Variants in CALD1 observed in about 807,000 individuals in gnomAD.
The protein encoded by CALD1 is caldesmon 1.
In CALD1, 33 loss-of-function variants were observed where a neutral mutation model predicts 99.9. That is an observed-to-expected ratio of 0.33 (90% confidence interval 0.25 to 0.44). The LOEUF (loss-of-function observed/expected upper bound fraction) is 0.44, where lower values mean the gene tolerates loss of function less well. Among genes scored for constraint, CALD1 ranks in the 20% least tolerant of loss-of-function variants. The pLI, the probability that CALD1 is intolerant of heterozygous loss-of-function variation, is 1.00. For missense variants in CALD1, 861 were observed against 962.1 expected, an observed-to-expected ratio of 0.89 and a Z score of 1.39; for synonymous variants, 310 against 325.0, an observed-to-expected ratio of 0.95 and a Z score of 0.50.
chr7:134,947,208 T>A (rs1806949586), intron 7 of CALD1, among the ~76,000 whole-genome samples: 1 of 151,926 alleles, frequency 6.6e-6, no homozygotes, highest in African/African-American at 2.4e-5. Flanking sequence ...GGTAGTTCTC[T>A]TGTTGATTTT....
At chr7:134,890,269 A>G (rs1439752086) in intron 3 of CALD1, among the ~76,000 whole-genome samples, 3 of 152,230 alleles carry the variant, frequency 2.0e-5, no homozygotes, top group African/African-American at 4.8e-5. Context: ...TGTTCTAGCT[A>G]AAGTGGAGAC....
chr7:134,948,494 T>C (rs1209450771), intron 8 of CALD1, among the ~76,000 whole-genome samples: 1 of 152,206 alleles, frequency 6.6e-6, no homozygotes, highest in African/African-American at 2.4e-5. Flanking sequence ...AAGTGCATTC[T>C]TTCATTTCAT....
chr7:134,900,528 G>A (rs1802914220), intron 3 of CALD1, among the ~76,000 whole-genome samples: 1 of 152,054 alleles, frequency 6.6e-6, no homozygotes, highest in Non-Finnish European at 1.5e-5. Context: ...GAGTCTCAAC[G>A]CCCCTCCTGC....
chr7:134,720,600 G>A, the CALD1 span, among the ~76,000 whole-genome samples: 3 of 152,180 alleles, frequency 2.0e-5, no homozygotes, highest in East Asian at 5.8e-4. Context: ...GCAACATAAA[G>A]TAAATAGTAA....
intron 8 of CALD1, 48 bp downstream of exon 8, chr7:134,947,817 T>C: frequency 6.3e-7 from 1 of 1,583,700 alleles, no homozygotes; most frequent in South Asian, 1.1e-5. Context: ...GAAAATTCCC[T>C]AGTGCCGTGC....
chr7:134,760,382 C>T (rs746376830), intron 1 of CALD1, among the ~76,000 whole-genome samples: 3 of 152,130 alleles, frequency 2.0e-5, no homozygotes, highest in Non-Finnish European at 4.4e-5. Flanking sequence ...TGATGACAAC[C>T]TAAGCAAAGT....
chr7:134,737,607 T>C, the CALD1 span, among the ~76,000 whole-genome samples: 1 of 152,212 alleles, frequency 6.6e-6, no homozygotes, highest in African/African-American at 2.4e-5. Context: ...TTTATGTTGT[T>C]GTTCTAGAGC....
At chr7:134,944,773 A>G (rs1806728883) in intron 7 of CALD1, among the ~76,000 whole-genome samples, 1 of 152,308 alleles carries the variant, frequency 6.6e-6, no homozygotes, top group African/African-American at 2.4e-5. Flanking sequence ...GCAAAGCTGT[A>G]TCTCTGTCTC....
At chr7:134,838,894 CT>C (rs1197170034) in intron 1 of CALD1, among the ~76,000 whole-genome samples, 1 of 152,148 alleles carries the variant, frequency 6.6e-6, no homozygotes, top group African/African-American at 2.4e-5. Flanking sequence ...AAAGTTTCAT[CT>C]TTTTCTATTC....
At chr7:134,717,310 C>T in the CALD1 span, among the ~76,000 whole-genome samples, 13 of 152,134 alleles carry the variant, frequency 8.5e-5, no homozygotes, top group East Asian at 2.5e-3. Flanking sequence ...ATAACAGTGC[C>T]ATACATAATG....
At chr7:134,769,749 T>C (rs1796862127) in intron 1 of CALD1, among the ~76,000 whole-genome samples, 1 of 152,198 alleles carries the variant, frequency 6.6e-6, no homozygotes, top group Non-Finnish European at 1.5e-5. Flanking sequence ...GCAATTCTCC[T>C]GCCTCAACCT....
At chr7:134,713,731 T>A in the CALD1 span, among the ~76,000 whole-genome samples, 1 of 152,148 alleles carries the variant, frequency 6.6e-6, no homozygotes, top group Non-Finnish European at 1.5e-5. Flanking sequence ...AACAGGTTTT[T>A]TCCTGTGGAA....
chr7:134,894,784 T>G (rs1802443032), intron 3 of CALD1, among the ~76,000 whole-genome samples: 1 of 152,228 alleles, frequency 6.6e-6, no homozygotes, highest in South Asian at 2.1e-4. Context: ...TGAGAGATTC[T>G]GTCACTTGCG....
At chr7:134,828,994 C>T (rs1052313560) in intron 1 of CALD1, among the ~76,000 whole-genome samples, 1 of 152,052 alleles carries the variant, frequency 6.6e-6, no homozygotes, top group Non-Finnish European at 1.5e-5. Context: ...GCTCCCCCCC[C>T]ATCTTATCAT....
At chr7:134,909,660 G>A (rs1357466497) in intron 3 of CALD1, among the ~76,000 whole-genome samples, 1 of 152,182 alleles carries the variant, frequency 6.6e-6, no homozygotes, top group Admixed American at 6.5e-5. Context: ...TCCAGCCTGG[G>A]AGCCTGGGTG....
intron 2 of CALD1, among the ~76,000 whole-genome samples, chr7:134,844,737 G>A (rs1234607244): frequency 6.6e-6 from 1 of 152,114 alleles, no homozygotes; most frequent in Non-Finnish European, 1.5e-5. Context: ...TTGGCATGGT[G>A]GATTTCTCGA....
At chr7:134,871,744 T>C (rs1484481017) in intron 3 of CALD1, among the ~76,000 whole-genome samples, 1 of 152,198 alleles carries the variant, frequency 6.6e-6, no homozygotes, top group Non-Finnish European at 1.5e-5. Flanking sequence ...CCCTGTTATT[T>C]TTATTTAATT....
the CALD1 span, among the ~76,000 whole-genome samples, chr7:134,726,129 C>T: frequency 4.4e-3 from 667 of 151,974 alleles, 4 homozygotes; most frequent in African/African-American, 0.015. Context: ...CACCATTATT[C>T]AGCACCTAAC....
intron 1 of CALD1, among the ~76,000 whole-genome samples, chr7:134,790,340 G>A (rs1019791048): frequency 1.3e-5 from 2 of 152,142 alleles, no homozygotes; most frequent in Non-Finnish European, 2.9e-5. Flanking sequence ...GTTGAGGACT[G>A]CTCTCTCAGA....
Sources: gnomAD v4.1 joint callset for allele counts (sites outside exome capture counted in the v4.1 genomes callset) on GRCh38, gnomAD v4.1.1 for gene constraint, MANE v1.5 for transcripts, NCBI Gene and HGNC (gene_info 2026-07-23, HGNC 2026-07-21) for gene names.